TEKTIP1: variants seen among roughly 807,000 people sequenced by gnomAD.
TEKTIP1 encodes tektin bundle-interacting protein 1.
chr19:3,541,284 C>A, the TEKTIP1 span, among the ~76,000 whole-genome samples: 118 of 151,628 alleles, frequency 7.8e-4, no homozygotes, highest in African/African-American at 2.1e-3. Flanking sequence ...TGCAGTGAGC[C>A]GAAATCGTGC....
At chr19:3,544,022 C>G in the TEKTIP1 span, 2 of 1,525,562 alleles carry the variant, frequency 1.3e-6, no homozygotes, top group Non-Finnish European at 1.8e-6. Context: ...GGCATGCTAC[C>G]AGGATGCACC....
At chr19:3,541,628 C>CTAT in the TEKTIP1 span, 1 of 984,582 alleles carries the variant, frequency 1.0e-6, no homozygotes, top group Non-Finnish European at 1.2e-6. Flanking sequence ...GTGCAAGACC[C>CTAT]TATTTCTATT....
At chr19:3,542,548 A>G in the TEKTIP1 span, 5 of 856,838 alleles carry the variant, frequency 5.8e-6, no homozygotes, top group Non-Finnish European at 7.0e-6. Flanking sequence ...ATCTCAGCTT[A>G]CTGCAAACTC....
At chr19:3,543,977 G>A in the TEKTIP1 span, 1 of 1,548,692 alleles carries the variant, frequency 6.5e-7, no homozygotes, top group Non-Finnish European at 8.7e-7. Flanking sequence ...CCTGCCAGCG[G>A]TCCCCGCCTT....
chr19:3,540,514 C>G, the TEKTIP1 span, among the ~76,000 whole-genome samples: 1 of 151,620 alleles, frequency 6.6e-6, no homozygotes, highest in Non-Finnish European at 1.5e-5. Context: ...CCTTGGCCTC[C>G]CAAAGTGCTG....
At chr19:3,541,619 T>C in the TEKTIP1 span, 1 of 983,370 alleles carries the variant, frequency 1.0e-6, no homozygotes, top group Admixed American at 6.2e-5. Context: ...CCGCACCCAG[T>C]GCAAGACCCT....
At chr19:3,543,124 C>A in the TEKTIP1 span, 3 of 1,515,352 alleles carry the variant, frequency 2.0e-6, no homozygotes, top group East Asian at 4.9e-5. Flanking sequence ...GGGAGGGAGA[C>A]CCCACGCCGT....
the TEKTIP1 span, chr19:3,539,288 TCCCAGC>T: frequency 3.7e-6 from 5 of 1,359,540 alleles, no homozygotes; most frequent in South Asian, 3.8e-5. Context: ...GGTGAGCCCC[TCCCAGC>T]CCCTCCCTCC....
the TEKTIP1 span, chr19:3,543,901 C>T: frequency 6.4e-7 from 1 of 1,551,088 alleles, no homozygotes; most frequent in South Asian, 1.2e-5. Context: ...CTGTCGGCAC[C>T]CCAGCGCCCG....
At chr19:3,541,250 C>T in the TEKTIP1 span, among the ~76,000 whole-genome samples, 40 of 151,436 alleles carry the variant, frequency 2.6e-4, no homozygotes, top group African/African-American at 4.9e-4. Context: ...GTAGGAGGAT[C>T]GCTTGAGCCT....
chr19:3,540,858 C>G, the TEKTIP1 span, among the ~76,000 whole-genome samples: 2 of 97,528 alleles, frequency 2.1e-5, no homozygotes, highest in Non-Finnish European at 4.1e-5. Flanking sequence ...CAGCCCAGAG[C>G]GAAACTCCAT....
At chr19:3,543,465 T>C in the TEKTIP1 span, 3 of 1,524,264 alleles carry the variant, frequency 2.0e-6, no homozygotes, top group South Asian at 1.2e-5. Context: ...GAGTGCAGCA[T>C]GCCATCGGGT....
At chr19:3,543,653 G>C in the TEKTIP1 span, 1 of 1,543,212 alleles carries the variant, frequency 6.5e-7, no homozygotes, top group Non-Finnish European at 8.7e-7. Context: ...GCTGTGGAAA[G>C]ACAGGCCAAT....
At chr19:3,543,963 T>C in the TEKTIP1 span, 1 of 1,547,598 alleles carries the variant, frequency 6.5e-7, no homozygotes, top group Non-Finnish European at 8.7e-7. Flanking sequence ...ATACTGCCCC[T>C]CCACCTGCCA....
chr19:3,541,324 A>C, the TEKTIP1 span, among the ~76,000 whole-genome samples: 17 of 151,746 alleles, frequency 1.1e-4, no homozygotes, highest in East Asian at 2.9e-3. Flanking sequence ...TGACAAAGCA[A>C]GACTGTCTCA....
chr19:3,542,608 G>A, the TEKTIP1 span: 3 of 745,720 alleles, frequency 4.0e-6, no homozygotes, highest in Admixed American at 6.3e-5. Context: ...TGAGTAGCTG[G>A]GATTACAGGT....
At chr19:3,540,545 C>T in the TEKTIP1 span, among the ~76,000 whole-genome samples, 18 of 151,544 alleles carry the variant, frequency 1.2e-4, no homozygotes, top group Non-Finnish European at 1.8e-4. Context: ...CGTGAGGCAC[C>T]GCGCCTAGCT....
At chr19:3,542,224 AT>A in the TEKTIP1 span, 7 of 985,284 alleles carry the variant, frequency 7.1e-6, no homozygotes, top group Admixed American at 4.3e-4. Context: ...AGCCGAGTCT[AT>A]GTGGGGTCCC....
chr19:3,542,958 T>C, the TEKTIP1 span: 2 of 1,522,144 alleles, frequency 1.3e-6, no homozygotes, highest in Non-Finnish European at 1.8e-6. Context: ...CTCCCCTCCC[T>C]CTTCTCCAGG....
Sources: allele counts gnomAD v4.1 joint callset (sites outside exome capture counted in the v4.1 genomes callset), GRCh38; gene constraint gnomAD v4.1.1; transcripts MANE v1.5; gene names NCBI Gene and HGNC (gene_info 2026-07-23, HGNC 2026-07-21).